The following ZNF610 variants were observed in gnomAD, a reference collection of about 807,000 sequenced individuals.
ZNF610 encodes zinc finger protein 610, also known as zink finger protein.
In ZNF610, 14 loss-of-function variants were observed where a neutral mutation model predicts 14.1. The observed-to-expected ratio is 0.99, with a 90% CI of 0.65 to 1.55. ZNF610 has a LOEUF of 1.55. Ranked by LOEUF, ZNF610 falls within the 40% of genes most tolerant of loss-of-function variation. ZNF610 has a pLI of 0.00. For missense variants in ZNF610, 530 were observed against 558.0 expected, an observed-to-expected ratio of 0.95 and a Z score of 0.51; for synonymous variants, 185 against 187.6, an observed-to-expected ratio of 0.99 and a Z score of 0.11.
chr19:52,356,666 C>T (rs935505751), intron 5 of ZNF610, among the ~76,000 whole-genome samples: 4 of 151,984 alleles, frequency 2.6e-5, no homozygotes, highest in African/African-American at 7.3e-5. Flanking sequence ...CTTTGTTGTA[C>T]GTGACTTAGT....
At chr19:52,352,295 A>G (rs140151691) in intron 3 of ZNF610, among the ~76,000 whole-genome samples, 2,462 of 151,874 alleles carry the variant, frequency 0.016, 72 homozygotes, top group African/African-American at 0.056. Context: ...CTGGAGTGCA[A>G]TGGCGTGATC....
chr19:52,338,925 G>GCCCT (rs1249930601), intron 1 of ZNF610, among the ~76,000 whole-genome samples: 1 of 151,928 alleles, frequency 6.6e-6, no homozygotes, highest in South Asian at 2.1e-4. Context: ...GAGGACCCGC[G>GCCCT]CCGGCCCGGT....
chr19:52,339,034 A>G (rs931925661), intron 1 of ZNF610, among the ~76,000 whole-genome samples: 2 of 151,980 alleles, frequency 1.3e-5, no homozygotes, highest in Non-Finnish European at 2.9e-5. Context: ...GTCAGCAGGA[A>G]AACATACGAA....
intron 5 of ZNF610, among the ~76,000 whole-genome samples, chr19:52,357,932 GCAT>G (rs1985609251): frequency 6.6e-6 from 1 of 152,160 alleles, no homozygotes; most frequent in Admixed American, 6.5e-5. Flanking sequence ...CACCCTCCTG[GCAT>G]GTGTGTGAGT....
intron 1 of ZNF610, among the ~76,000 whole-genome samples, chr19:52,339,912 G>T (rs1984593294): frequency 6.6e-6 from 1 of 152,168 alleles, no homozygotes; most frequent in African/African-American, 2.4e-5. Flanking sequence ...ACCCGCCTTG[G>T]CCTCCCAAAG....
At chr19:52,345,741 G>A (rs985756172) in intron 1 of ZNF610, among the ~76,000 whole-genome samples, 1 of 151,784 alleles carries the variant, frequency 6.6e-6, no homozygotes, top group African/African-American at 2.4e-5. Flanking sequence ...GTCTCGCTCT[G>A]TCGCCCAGGC....
chr19:52,349,359 TTCTA>T, intron 3 of ZNF610, 124 bp downstream of exon 3: 1 of 1,370,736 alleles, frequency 7.3e-7, no homozygotes, highest in Non-Finnish European at 1.0e-6. Flanking sequence ...CTCGCTTAGA[TTCTA>T]TCTCTCGTGA....
intron 5 of ZNF610, among the ~76,000 whole-genome samples, chr19:52,358,345 A>T (rs568415308): frequency 6.6e-6 from 1 of 152,104 alleles, no homozygotes; most frequent in Non-Finnish European, 1.5e-5. Context: ...CACCATGCCC[A>T]GCTAATTTTT....
At chr19:52,336,595 A>C (rs1043000569) in intron 1 of ZNF610, 89 bp downstream of exon 1, 1 of 155,030 alleles carries the variant, frequency 6.5e-6, no homozygotes, top group African/African-American at 2.4e-5. Context: ...CCTTACCGCA[A>C]GGTGGATTCC....
At chr19:52,361,573 T>A (rs1985779051) in intron 5 of ZNF610, among the ~76,000 whole-genome samples, 1 of 151,940 alleles carries the variant, frequency 6.6e-6, no homozygotes, top group African/African-American at 2.4e-5. Flanking sequence ...TTTGTTTTGT[T>A]GTTTATCTAG....
chr19:52,360,280 C>G (rs1033370507), intron 5 of ZNF610, among the ~76,000 whole-genome samples: 3 of 152,146 alleles, frequency 2.0e-5, no homozygotes, highest in African/African-American at 7.2e-5. Context: ...GAGTTCTGCC[C>G]TGGGGCCTAC....
intron 3 of ZNF610, among the ~76,000 whole-genome samples, chr19:52,352,427 G>A (rs1270887126): frequency 2.0e-5 from 3 of 151,962 alleles, no homozygotes; most frequent in Admixed American, 6.6e-5. Flanking sequence ...TAGTAGAGAC[G>A]GGATTTCTCT....
chr19:52,349,244 A>T lies in ZNF610; in HGVS notation c.63+9A>T. On this transcript the variant is annotated intron_variant, in intron 3 of 5. Transcript: ENST00000403906. ...GGATGGCTCTTCCTCAGGTAAAGTGATATTCTCGGTGGTTGGTTCTCTCTG... is the reference window on the plus strand; with the variant it reads ...GGATGGCTCTTCCTCAGGTAAAGTGTTATTCTCGGTGGTTGGTTCTCTCTG... The T allele has an allele frequency of 6.2e-7, 1 of 1,612,376 alleles. No individual in the cohort carries two copies. The highest frequency in any genetic ancestry group is 8.5e-7 in the Non-Finnish European group (1 of 1,179,674).
At chr19:52,344,071 G>C (rs949499888) in intron 1 of ZNF610, 1 of 152,122 alleles carries the variant, frequency 6.6e-6, no homozygotes, top group African/African-American at 2.4e-5. Flanking sequence ...AAGGGGTGAT[G>C]CATCACTCGT....
At chr19:52,340,015 C>A (rs1200341628) in intron 1 of ZNF610, among the ~76,000 whole-genome samples, 2 of 152,188 alleles carry the variant, frequency 1.3e-5, no homozygotes, top group African/African-American at 2.4e-5. Context: ...GGGACTGCAC[C>A]TTTAACCCGT....
chr19:52,366,626 C>T lies in ZNF610; in HGVS notation c.1248C>T (p.Thr416=), dbSNP rs139676524. 12 of 1,614,100 alleles carry T rather than the reference C, an allele frequency of 7.4e-6. No homozygotes were observed. Among genetic ancestry groups the T allele is most frequent in the Non-Finnish European group, 1.0e-5 (12 of 1,180,026 alleles). ...TCTTTGGGCGCAAATTATACCTAACCAACCATCAGAGAATTCATACTGGAG... is the reference window on the plus strand; with the variant it reads ...TCTTTGGGCGCAAATTATACCTAACTAACCATCAGAGAATTCATACTGGAG... ...DKVFGRKLYL[T]NHQRIHTGER... The change falls in exon 6 of 6, where the codon ACC becomes ACT. Residue 416 remains threonine, a synonymous_variant. Transcript: ENST00000403906.
At chr19:52,337,491 A>T (rs1009395420) in intron 1 of ZNF610, among the ~76,000 whole-genome samples, 4 of 151,754 alleles carry the variant, frequency 2.6e-5, no homozygotes, top group African/African-American at 9.7e-5. Flanking sequence ...AGCAGAACAA[A>T]TGGAAGAGAA....
intron 1 of ZNF610, among the ~76,000 whole-genome samples, chr19:52,342,358 C>G (rs988795771): frequency 6.6e-6 from 1 of 152,132 alleles, no homozygotes; most frequent in Non-Finnish European, 1.5e-5. Context: ...GCTCCCAAAT[C>G]TCTGGAATTA....
rs781508290 is a variant in ZNF610, at chr19:52,366,537, C to G, written c.1159C>G (p.Leu387Val). The G allele has an allele frequency of 6.2e-7, 1 of 1,614,206 alleles. No homozygotes were observed. Among genetic ancestry groups the G allele is most frequent in the South Asian group, 1.1e-5 (1 of 91,084 alleles). Residue 387 changes from leucine to valine, a missense_variant, in exon 6 of 6, where the codon CTT becomes GTT. Coordinates refer to ENST00000403906, the MANE Select transcript of ZNF610 (RefSeq NM_001161425.2). ...CGRAFHKRPG[L>V]MAHLLIHTGE... ...AAGAGCATTTCACAAGCGTCCGGGC[C>G]TTATGGCCCATCTTCTAATCCATAC...
Sources: gnomAD v4.1 joint callset for allele counts (sites outside exome capture counted in the v4.1 genomes callset) on GRCh38, gnomAD v4.1.1 for gene constraint, MANE v1.5 for transcripts, NCBI Gene and HGNC (gene_info 2026-07-23, HGNC 2026-07-21) for gene names.